Variants in BCL2L13 observed in about 807,000 individuals in gnomAD.
BCL2L13 encodes bcl-2-like protein 13.
In BCL2L13, 13 loss-of-function variants were observed where a neutral mutation model predicts 25.8. The ratio of observed to expected loss-of-function variants is 0.50; its 90% CI spans 0.33 to 0.80. The LOEUF is 0.80. Among genes scored for constraint, BCL2L13 ranks in the 30% least tolerant of loss-of-function variants. The pLI, the probability that BCL2L13 is intolerant of heterozygous loss-of-function variation, is 0.02. For missense variants in BCL2L13, 504 were observed against 574.9 expected (o/e 0.88, Z 1.26); for synonymous variants, 244 against 230.3 (o/e 1.06, Z -0.54).
At chr22:17,683,479 G>A (rs2059815645) in intron 3 of BCL2L13, among the ~76,000 whole-genome samples, 158 bp downstream of exon 3, 2 of 152,134 alleles carry the variant, frequency 1.3e-5, no homozygotes, top group South Asian at 2.1e-4. Context: ...CTAGAAGGTA[G>A]CCTTTTTTCT....
intron 6 of BCL2L13, chr22:17,706,637 C>A: frequency 8.0e-7 from 1 of 1,252,930 alleles, no homozygotes; most frequent in Non-Finnish European, 1.0e-6. Context: ...ATCACCATTT[C>A]CTCTTAGTTT....
intron 1 of BCL2L13, among the ~76,000 whole-genome samples, chr22:17,646,951 ATATATTTTTTT>A (rs2058505802): frequency 1.8e-4 from 4 of 21,890 alleles, no homozygotes; most frequent in African/African-American, 3.4e-4. Context: ...ATATATATAT[ATATATTTTTTT>A]TTTTTTTTTT....
intron 1 of BCL2L13, among the ~76,000 whole-genome samples, chr22:17,654,115 T>A (rs1022436949): frequency 4.6e-5 from 7 of 152,110 alleles, no homozygotes; most frequent in African/African-American, 1.7e-4. Context: ...TCTTTTTGTT[T>A]TTGTTATTGA....
intron 1 of BCL2L13, among the ~76,000 whole-genome samples, chr22:17,639,099 G>C (rs969340465): frequency 3.3e-5 from 5 of 152,178 alleles, no homozygotes; most frequent in Admixed American, 1.3e-4. Flanking sequence ...CTGGCCGCGC[G>C]GCCCCGCCGC....
At chr22:17,653,741 T>C (rs980703265) in intron 1 of BCL2L13, among the ~76,000 whole-genome samples, 8 of 152,014 alleles carry the variant, frequency 5.3e-5, no homozygotes, top group African/African-American at 1.9e-4. Context: ...TGGTGTCAAG[T>C]GATCCTCCTC....
intron 6 of BCL2L13, chr22:17,706,748 T>C: frequency 7.4e-7 from 1 of 1,352,112 alleles, no homozygotes; most frequent in Non-Finnish European, 9.8e-7. Context: ...CTCCTCATTC[T>C]CTTTTCATTT....
In BCL2L13 at chr22:17,720,691, G is replaced by A. The variant is rs535455568; in HGVS notation, c.601-5986G>A. ...TAATTTTTTTTTTTTTTTTAGAGGC[G>A]GGATCTCACTGTGTTGCCCAGGTTG... On this transcript the variant is annotated intron_variant, in intron 6 of 6. Coordinates refer to ENST00000317582, the MANE Select transcript of BCL2L13 (RefSeq NM_015367.4). 4.0e-5 allele frequency among the ~76,000 whole-genome samples: 6 copies of A among 149,930 alleles called. No homozygotes were observed. The South Asian group carries it at 8.5e-4, about 21-fold the overall frequency.
chr22:17,674,952 C>G (rs1234900960), intron 2 of BCL2L13, among the ~76,000 whole-genome samples: 2 of 152,004 alleles, frequency 1.3e-5, no homozygotes, highest in South Asian at 4.1e-4. Context: ...TTGTACATGT[C>G]TATAGTAGGA....
chr22:17,661,966 G>C (rs1297570624), intron 2 of BCL2L13, among the ~76,000 whole-genome samples: 1 of 150,626 alleles, frequency 6.6e-6, no homozygotes, highest in Non-Finnish European at 1.5e-5. Context: ...ACTCCAGCCT[G>C]GGCAACGAGA....
chr22:17,641,740 TC>T (rs202089591), intron 1 of BCL2L13, among the ~76,000 whole-genome samples: 2,886 of 151,924 alleles, frequency 0.019, 85 homozygotes, highest in African/African-American at 0.067. Context: ...TGATCTACTT[TC>T]TGTCTATGGA....
At chr22:17,676,226 C>CTG (rs2059571669) in intron 2 of BCL2L13, among the ~76,000 whole-genome samples, 1 of 152,156 alleles carries the variant, frequency 6.6e-6, no homozygotes, top group African/African-American at 2.4e-5. Flanking sequence ...CTTCGGGAGG[C>CTG]TGAGGCAGGC....
At chr22:17,639,849 C>CTTCT (rs937703033) in intron 1 of BCL2L13, among the ~76,000 whole-genome samples, 1 of 147,552 alleles carries the variant, frequency 6.8e-6, no homozygotes, top group East Asian at 2.0e-4. Context: ...CTTCAGATAC[C>CTTCT]TTCTTTCTTT....
intron 3 of BCL2L13, among the ~76,000 whole-genome samples, chr22:17,687,188 C>T (rs1477371012): frequency 6.6e-6 from 1 of 152,120 alleles, no homozygotes; most frequent in Non-Finnish European, 1.5e-5. Context: ...TGCAAGCGGC[C>T]TGCTTTCCTG....
chr22:17,729,782 G>T lies in BCL2L13; in HGVS notation c.*2248G>T, dbSNP rs931685876. On this transcript the variant is annotated 3_prime_UTR_variant, in exon 7 of 7. Transcript: ENST00000317582. ...TATTTCACGGTAATGGAACTAGATA[G>T]TGTTTTCCATTGGCTTTCTCTGGTA... 2.9e-4 allele frequency: 44 copies of T among 152,242 alleles called. No homozygotes were observed. The highest frequency in any genetic ancestry group is 1.0e-3 in the African/African-American group (42 of 41,460). The allele number at this position is 152,242 out of a possible 1,614,324, so 9.4% of individuals were successfully genotyped here.
chr22:17,648,530 G>A (rs1368931111), intron 1 of BCL2L13, among the ~76,000 whole-genome samples: 2 of 151,624 alleles, frequency 1.3e-5, no homozygotes, highest in Admixed American at 6.6e-5. Flanking sequence ...AGACTCCATC[G>A]CTACAAAAAA....
At chr22:17,653,406 T>TA (rs1241889197) in intron 1 of BCL2L13, among the ~76,000 whole-genome samples, 1 of 152,120 alleles carries the variant, frequency 6.6e-6, no homozygotes, top group Non-Finnish European at 1.5e-5. Flanking sequence ...CATGCCTTCT[T>TA]ACATCTCTTG....
chr22:17,724,994 C>T (rs1197510937), intron 6 of BCL2L13, among the ~76,000 whole-genome samples: 1 of 152,110 alleles, frequency 6.6e-6, no homozygotes, highest in Non-Finnish European at 1.5e-5. Context: ...CCCATTCTTT[C>T]TCGTAGCCCT....
intron 6 of BCL2L13, among the ~76,000 whole-genome samples, chr22:17,722,075 G>T (rs1424113398): frequency 6.6e-6 from 1 of 152,104 alleles, no homozygotes; most frequent in Non-Finnish European, 1.5e-5. Context: ...ATTTTATTAT[G>T]TATAAATATA....
Position 17,668,042 on chromosome 22 carries a change from G to A in BCL2L13, c.121+12210G>A, listed in dbSNP as rs11705455. On this transcript the variant is annotated intron_variant, in intron 2 of 6. Coordinates refer to ENST00000317582, the MANE Select transcript of BCL2L13 (RefSeq NM_015367.4). ...TCTTTTTTTTTTTTGAGACAGTCTC[G>A]CTCTGTCGCCCAGGCTGGAGTGCAG... Among the ~76,000 whole-genome samples the A allele has an allele frequency of 3.1e-3, 410 of 133,088 alleles. 1 individual carries two copies. Among genetic ancestry groups the A allele is most frequent in the Middle Eastern group, 9.6e-3 (2 of 208 alleles). The allele number at this position is 133,088 out of a possible 152,430, so 87.3% of individuals were successfully genotyped here.
Sources: gnomAD v4.1 joint callset for allele counts (sites outside exome capture counted in the v4.1 genomes callset) on GRCh38, gnomAD v4.1.1 for gene constraint, MANE v1.5 for transcripts, NCBI Gene and HGNC (gene_info 2026-07-23, HGNC 2026-07-21) for gene names.